SAMD3: variants seen among roughly 807,000 people sequenced by gnomAD.
SAMD3 encodes the protein sterile alpha motif domain-containing protein 3.
SAMD3 carries 63 observed loss-of-function variants against 58.5 expected under a neutral mutation model. The observed-to-expected ratio is 1.08, with a 90% CI of 0.88 to 1.33. The LOEUF (loss-of-function observed/expected upper bound fraction) is 1.33. Among genes scored for constraint, SAMD3 ranks in the 40% most tolerant of loss-of-function variants. The probability of loss-of-function intolerance (pLI) is 0.00; values close to 1 mark genes in which losing one functional copy is unlikely to be tolerated. For missense variants in SAMD3, 604 were observed against 608.4 expected (o/e 0.99, Z 0.08); for synonymous variants, 220 against 210.3 (o/e 1.05, Z -0.40).
chr6:130,209,918 C>CT (rs1795389241), intron 4 of SAMD3, among the ~76,000 whole-genome samples: 1 of 152,180 alleles, frequency 6.6e-6, no homozygotes, highest in African/African-American at 2.4e-5. Context: ...TAGAATGTAT[C>CT]TTTTTTAGCT....
chr6:130,274,752 CT>C lies in SAMD3; in HGVS notation c.-188+38225del, dbSNP rs202123647. ...GATAAAGGCAGTTTGGCCTAAATAT[CT>C]TTTTTTTTTTTGGTGTTTCTGTTGA... is the stretch of plus-strand genomic sequence containing the variant. On this transcript the variant is annotated intron_variant, in intron 2 of 13. Transcript: ENST00000368134. 4.1e-3 allele frequency among the ~76,000 whole-genome samples: 594 copies of C among 144,940 alleles called. 10 individuals are homozygous for C. Among genetic ancestry groups the C allele is most frequent in the Admixed American group, 0.021 (306 of 14,632 alleles).
Position 130,269,308 on chromosome 6 carries a change from G to A in SAMD3, c.-188+43670C>T, listed in dbSNP as rs149028359. On this transcript the variant is annotated intron_variant, in intron 2 of 13. Transcript: ENST00000368134. ...CTAGGTTCTCTATTCTTTTTGAAAT[G>A]TTTGGTAGAATAATCAAGTGAAACC... Among the ~76,000 whole-genome samples the A allele has an allele frequency of 2.0e-4, 30 of 152,230 alleles. No homozygotes were observed. In the East Asian group the frequency reaches 5.6e-3, roughly 28 times the overall value.
At chr6:130,315,915 A>C (rs1311348349) in intron 1 of SAMD3, among the ~76,000 whole-genome samples, 1 of 152,168 alleles carries the variant, frequency 6.6e-6, no homozygotes. Context: ...GGCATGTGAA[A>C]GTGTGTATAT....
chr6:130,211,207 C>G (rs1795520029), intron 4 of SAMD3, among the ~76,000 whole-genome samples: 1 of 151,962 alleles, frequency 6.6e-6, no homozygotes, highest in Non-Finnish European at 1.5e-5. Flanking sequence ...TTAGTCGCCA[C>G]AACCCCTTAT....
intron 8 of SAMD3, among the ~76,000 whole-genome samples, chr6:130,171,705 C>G (rs1243461934): frequency 6.6e-6 from 1 of 152,178 alleles, no homozygotes; most frequent in African/African-American, 2.4e-5. Context: ...GTGGAGAGTT[C>G]TGCAGATATC....
At chr6:130,203,930 G>A (rs559035311) in intron 5 of SAMD3, among the ~76,000 whole-genome samples, 1 of 152,256 alleles carries the variant, frequency 6.6e-6, no homozygotes, top group Non-Finnish European at 1.5e-5. Flanking sequence ...AACTACCTGT[G>A]TGAAAGAGCC....
At chr6:130,200,029 C>T (rs1562437141) in intron 5 of SAMD3, among the ~76,000 whole-genome samples, 1 of 152,024 alleles carries the variant, frequency 6.6e-6, no homozygotes, top group African/African-American at 2.4e-5. Flanking sequence ...CTCAAACCCT[C>T]TATGTTATTG....
intron 1 of SAMD3, among the ~76,000 whole-genome samples, chr6:130,363,295 T>C (rs562318045): frequency 2.0e-5 from 3 of 152,360 alleles, no homozygotes; most frequent in African/African-American, 7.2e-5. Flanking sequence ...AATTTTCTAA[T>C]AGCCCTTCTC....
At chr6:130,185,375 CT>C (rs1377202293) in intron 5 of SAMD3, among the ~76,000 whole-genome samples, 3 of 152,188 alleles carry the variant, frequency 2.0e-5, no homozygotes, top group Admixed American at 2.0e-4. Flanking sequence ...TGTCGCCAGG[CT>C]GGAGTGCAGT....
chr6:130,264,108 A>T (rs1482956302), intron 2 of SAMD3, among the ~76,000 whole-genome samples: 2 of 152,244 alleles, frequency 1.3e-5, no homozygotes, highest in African/African-American at 4.8e-5. Flanking sequence ...ATGCTTGTGC[A>T]CATGGCAGGC....
At chr6:130,262,832 G>GA (rs531901981) in intron 2 of SAMD3, among the ~76,000 whole-genome samples, 3 of 151,868 alleles carry the variant, frequency 2.0e-5, no homozygotes, top group Non-Finnish European at 4.4e-5. Context: ...AATGTTAATT[G>GA]AAAAAAAATT....
At chr6:130,271,823 A>G (rs551532658) in intron 2 of SAMD3, among the ~76,000 whole-genome samples, 14 of 152,204 alleles carry the variant, frequency 9.2e-5, no homozygotes, top group Non-Finnish European at 1.3e-4. Flanking sequence ...AACATCTTAC[A>G]TGGTGGCAGG....
intron 1 of SAMD3, among the ~76,000 whole-genome samples, chr6:130,314,022 C>G (rs1776275182): frequency 6.6e-6 from 1 of 152,088 alleles, no homozygotes; most frequent in Non-Finnish European, 1.5e-5. Flanking sequence ...TGGCGTGTTA[C>G]AGAGGAGCAA....
intron 2 of SAMD3, among the ~76,000 whole-genome samples, chr6:130,239,014 C>T (rs1244009913): frequency 6.6e-6 from 1 of 152,154 alleles, no homozygotes; most frequent in Non-Finnish European, 1.5e-5. Context: ...CTGCTTCGGC[C>T]TCCCAAAGTG....
At chr6:130,336,446 G>C (rs577520047) in intron 1 of SAMD3, among the ~76,000 whole-genome samples, 2 of 152,306 alleles carry the variant, frequency 1.3e-5, no homozygotes, top group East Asian at 3.9e-4. Context: ...AAAAAAGGAA[G>C]AGAATTTACT....
At chr6:130,197,689 C>A (rs1402341232) in intron 5 of SAMD3, among the ~76,000 whole-genome samples, 1 of 152,176 alleles carries the variant, frequency 6.6e-6, no homozygotes, top group Non-Finnish European at 1.5e-5. Context: ...CATGCCACCC[C>A]TAATCCCGCT....
intron 2 of SAMD3, among the ~76,000 whole-genome samples, chr6:130,230,864 A>G (rs1008015573): frequency 1.3e-5 from 2 of 152,246 alleles, no homozygotes; most frequent in African/African-American, 4.8e-5. Context: ...TTGCTAAGAC[A>G]TTAAGGAAGA....
At chr6:130,325,101 T>C (rs867605702) in intron 1 of SAMD3, among the ~76,000 whole-genome samples, 1 of 152,352 alleles carries the variant, frequency 6.6e-6, no homozygotes, top group Middle Eastern at 3.4e-3. Context: ...GAGCAGGTTT[T>C]TCCTTTAGCA....
intron 5 of SAMD3, among the ~76,000 whole-genome samples, chr6:130,188,778 T>C (rs938571565): frequency 2.2e-4 from 33 of 152,302 alleles, no homozygotes; most frequent in Admixed American, 2.0e-3. Flanking sequence ...TTCCTTAACT[T>C]CCTTGACACT....
Sources: allele counts gnomAD v4.1 joint callset (sites outside exome capture counted in the v4.1 genomes callset), GRCh38; gene constraint gnomAD v4.1.1; transcripts MANE v1.5; gene names NCBI Gene and HGNC (gene_info 2026-07-23, HGNC 2026-07-21).